The following ATP6V1H variants were observed in gnomAD, a reference collection of about 807,000 sequenced individuals.
ATP6V1H encodes ATPase H+ transporting V1 subunit H.
ATP6V1H carries 39 observed loss-of-function variants against 71.7 expected under a neutral mutation model. That is an observed-to-expected ratio of 0.54 (90% CI 0.42 to 0.71). The LOEUF (loss-of-function observed/expected upper bound fraction) is 0.71. ATP6V1H is among the 30% of genes least tolerant of loss of function. The probability of loss-of-function intolerance (pLI) is 0.00; values close to 1 mark genes in which losing one functional copy is unlikely to be tolerated. For missense variants in ATP6V1H, 509 were observed against 594.9 expected (o/e 0.86, Z 1.50); for synonymous variants, 192 against 199.3 (o/e 0.96, Z 0.31).
chr8:53,757,025 T>C (rs1283763739), intron 11 of ATP6V1H, among the ~76,000 whole-genome samples: 2 of 152,218 alleles, frequency 1.3e-5, no homozygotes, highest in African/African-American at 4.8e-5. Context: ...CTGGGACAAG[T>C]GACTTTCAGT....
intron 11 of ATP6V1H, among the ~76,000 whole-genome samples, chr8:53,766,245 C>T (rs4737647): frequency 0.85 from 129,177 of 152,260 alleles, 55,293 homozygotes; most frequent in African/African-American, 0.96. Context: ...TGTAATTTCT[C>T]ATGCCTGTCT....
chr8:53,836,702 A>C (rs1220523713), intron 2 of ATP6V1H, among the ~76,000 whole-genome samples: 31 of 152,182 alleles, frequency 2.0e-4, no homozygotes, highest in Admixed American at 2.0e-3. Flanking sequence ...GGGTCATATT[A>C]TTCCCTTGGA....
chr8:53,819,566 ATATATATATATATATATAT>A (rs1810567987), intron 4 of ATP6V1H, among the ~76,000 whole-genome samples: 1 of 128,484 alleles, frequency 7.8e-6, no homozygotes, highest in Admixed American at 7.8e-5. Flanking sequence ...ATATATATAT[ATATATATATATATATATAT>A]AAAATACACA....
At chr8:53,803,755 A>G (rs1435676645) in intron 7 of ATP6V1H, among the ~76,000 whole-genome samples, 1 of 152,252 alleles carries the variant, frequency 6.6e-6, no homozygotes, top group Non-Finnish European at 1.5e-5. Flanking sequence ...TCAGTTCTAA[A>G]ACAACATTCC....
At chr8:53,835,975 T>A (rs1346645474) in intron 2 of ATP6V1H, among the ~76,000 whole-genome samples, 8 of 152,158 alleles carry the variant, frequency 5.3e-5, no homozygotes, top group Admixed American at 2.0e-4. Flanking sequence ...GCAGTGGCAC[T>A]CCACACCCTA....
At chr8:53,755,701 T>C (rs1398276850) in intron 12 of ATP6V1H, among the ~76,000 whole-genome samples, 9 of 3,864 alleles carry the variant, frequency 2.3e-3, no homozygotes, top group African/African-American at 4.9e-3. Flanking sequence ...TATATATATA[T>C]ATATATATAT....
At chr8:53,840,280 G>T (rs112805359) in intron 2 of ATP6V1H, among the ~76,000 whole-genome samples, 4,468 of 152,140 alleles carry the variant, frequency 0.029, 222 homozygotes, top group African/African-American at 0.1. Flanking sequence ...GGCAGATCAC[G>T]AGGTCAGGAG....
At position 53,818,832 on chromosome 8, in the gene ATP6V1H, T is replaced by C. The variant is rs7832337; in HGVS notation, c.307-1302A>G. On this transcript the variant is annotated intron_variant, in intron 4 of 13. Transcript: ENST00000359530. Reference sequence around the variant, plus strand: ...ATTAAAAATAGAAAAAAAATTATTATAAATAGCACAAGGAATTATGATAAA... The same window carrying C: ...ATTAAAAATAGAAAAAAAATTATTACAAATAGCACAAGGAATTATGATAAA... 2.2e-3 allele frequency among the ~76,000 whole-genome samples: 337 copies of C among 152,282 alleles called. 1 individual carries two copies. Among genetic ancestry groups the C allele is most frequent in the African/African-American group, 7.7e-3 (318 of 41,562 alleles).
At chr8:53,737,962 C>G (rs1398954609) in intron 13 of ATP6V1H, among the ~76,000 whole-genome samples, 2 of 152,094 alleles carry the variant, frequency 1.3e-5, no homozygotes, top group Middle Eastern at 3.2e-3. Flanking sequence ...TTTCCCCCAT[C>G]ATGACTTAAC....
chr8:53,837,496 A>C (rs1362171741), intron 2 of ATP6V1H, among the ~76,000 whole-genome samples: 1 of 104,218 alleles, frequency 9.6e-6, no homozygotes, highest in Non-Finnish European at 1.7e-5. Context: ...ATGCTATGGA[A>C]AAAAAAAAAA....
intron 8 of ATP6V1H, among the ~76,000 whole-genome samples, chr8:53,799,677 T>C (rs1809848157): frequency 1.3e-5 from 2 of 152,270 alleles, no homozygotes; most frequent in South Asian, 4.1e-4. Context: ...AATTCACATG[T>C]TCAAAGACTA....
At chr8:53,772,605 T>G (rs758990042) in intron 9 of ATP6V1H, among the ~76,000 whole-genome samples, 4 of 152,142 alleles carry the variant, frequency 2.6e-5, no homozygotes, top group Admixed American at 6.5e-5. Context: ...CCATCTCTAA[T>G]CAACCTGTAA....
At chr8:53,807,707 T>C (rs1810131884) in intron 7 of ATP6V1H, among the ~76,000 whole-genome samples, 2 of 152,334 alleles carry the variant, frequency 1.3e-5, no homozygotes, top group East Asian at 1.9e-4. Flanking sequence ...TTCTGAGATG[T>C]TGAAATGTTA....
chr8:53,739,803 T>C (rs972437521), intron 13 of ATP6V1H, among the ~76,000 whole-genome samples: 2 of 152,236 alleles, frequency 1.3e-5, no homozygotes, highest in African/African-American at 4.8e-5. Flanking sequence ...AGGAATGCCA[T>C]GGTGGGCACA....
At chr8:53,765,903 A>T (rs1044120936) in intron 11 of ATP6V1H, among the ~76,000 whole-genome samples, 4 of 152,260 alleles carry the variant, frequency 2.6e-5, no homozygotes, top group African/African-American at 9.6e-5. Flanking sequence ...ATAAAGCCAC[A>T]GTACTCAAAA....
intron 11 of ATP6V1H, among the ~76,000 whole-genome samples, chr8:53,766,397 GA>G (rs1361442241): frequency 6.6e-6 from 1 of 152,128 alleles, no homozygotes; most frequent in Admixed American, 6.5e-5. Flanking sequence ...ATCGTCTCAG[GA>G]CCCTGTAATA....
At chr8:53,748,780 T>C (rs1807696157) in intron 12 of ATP6V1H, among the ~76,000 whole-genome samples, 1 of 152,254 alleles carries the variant, frequency 6.6e-6, no homozygotes. Flanking sequence ...TTCTTTTCTG[T>C]ATTTTTCAAG....
intron 8 of ATP6V1H, among the ~76,000 whole-genome samples, chr8:53,799,146 A>AGGGTT (rs1478682541): frequency 1.3e-5 from 2 of 152,086 alleles, no homozygotes; most frequent in East Asian, 3.9e-4. Flanking sequence ...CAATAACCCT[A>AGGGTT]ATTGTAAGAT....
intron 13 of ATP6V1H, among the ~76,000 whole-genome samples, chr8:53,739,965 T>C (rs1035785672): frequency 6.6e-6 from 1 of 152,220 alleles, no homozygotes; most frequent in African/African-American, 2.4e-5. Flanking sequence ...GGGTTATTTA[T>C]AATCCATTGT....
Sources: allele counts gnomAD v4.1 joint callset (sites outside exome capture counted in the v4.1 genomes callset), GRCh38; gene constraint gnomAD v4.1.1; transcripts MANE v1.5; gene names NCBI Gene and HGNC (gene_info 2026-07-23, HGNC 2026-07-21).